The following MAP3K2 variants were observed in gnomAD, a reference collection of about 807,000 sequenced individuals.
MAP3K2 encodes the protein MAP/ERK kinase kinase 2.
Under a neutral mutation model 80.3 loss-of-function variants are expected in MAP3K2, and 24 were observed. The observed-to-expected ratio is 0.30, with a 90% CI of 0.22 to 0.42. MAP3K2 has a LOEUF of 0.42. Among genes scored for constraint, MAP3K2 ranks in the 10% least tolerant of loss-of-function variants. MAP3K2 has a pLI of 1.00. For missense variants in MAP3K2, 608 were observed against 750.1 expected (o/e 0.81, Z 2.21); for synonymous variants, 244 against 253.7 (o/e 0.96, Z 0.36).
At chr2:127,320,155 A>AAT (rs1209109998) in intron 12 of MAP3K2, among the ~76,000 whole-genome samples, 2 of 152,212 alleles carry the variant, frequency 1.3e-5, no homozygotes, top group Non-Finnish European at 2.9e-5. Context: ...AAAAAATCAA[A>AAT]AGAGAAAGCA....
At chr2:127,366,735 ATTT>A (rs1686978098) in intron 1 of MAP3K2, among the ~76,000 whole-genome samples, 1 of 151,958 alleles carries the variant, frequency 6.6e-6, no homozygotes, top group African/African-American at 2.4e-5. Context: ...TGGCTAACAT[ATTT>A]CCAAAAATGT....
intron 1 of MAP3K2, among the ~76,000 whole-genome samples, chr2:127,345,029 TGATTTTTAAAAAAAGATTTTGTACA>T (rs1686572575): frequency 6.6e-6 from 1 of 152,148 alleles, no homozygotes; most frequent in Non-Finnish European, 1.5e-5. Context: ...CACACCCAGC[TGATTTTTAAAAAAAGATTTTGTACA>T]GATTACCCAG....
At chr2:127,388,300 T>A (rs1287386191), upstream of MAP3K2, 1 of 985,278 alleles carries the variant, frequency 1.0e-6, no homozygotes, top group Non-Finnish European at 1.2e-6. Flanking sequence ...TCCGAGTAGA[T>A]CCCGTGAAAA....
chr2:127,378,829 T>C (rs966075864), intron 1 of MAP3K2, among the ~76,000 whole-genome samples: 21 of 152,144 alleles, frequency 1.4e-4, no homozygotes, highest in Non-Finnish European at 2.6e-4. Context: ...AGCAGCGGCA[T>C]GATCACTCCT....
chr2:127,359,942 G>A (rs1051470876), intron 1 of MAP3K2, among the ~76,000 whole-genome samples: 1 of 152,054 alleles, frequency 6.6e-6, no homozygotes, highest in African/African-American at 2.4e-5. Context: ...ATCTAGTCTT[G>A]GGTATTTCTT....
chr2:127,340,743 G>C (rs914276268), intron 2 of MAP3K2, among the ~76,000 whole-genome samples: 1 of 151,256 alleles, frequency 6.6e-6, no homozygotes, highest in Middle Eastern at 3.4e-3. Flanking sequence ...TTTTTGTAGA[G>C]ATGGGGGTCT....
At position 127,364,119 on chromosome 2, in the gene MAP3K2, C is replaced by T. The variant is rs972205726; in HGVS notation, c.-65-20925G>A. Among the ~76,000 whole-genome samples the T allele has an allele frequency of 1.8e-4, 27 of 152,196 alleles. No homozygotes were observed. Among genetic ancestry groups the T allele is most frequent in the African/African-American group, 6.3e-4 (26 of 41,442 alleles). The stretch of plus-strand genomic sequence containing the variant: ...TGTTTCAGTCAATCTAACCTATCTG[C>T]TTTTCTCAAAGGACTTGCTATTAAT... On this transcript the variant is annotated intron_variant, in intron 1 of 16. Coordinates refer to ENST00000682094, the MANE Select transcript of MAP3K2 (RefSeq NM_001371910.2). The surrounding 1 kb of genome is among the most constrained non-coding windows in gnomAD (Gnocchi z 4.1).
In MAP3K2 at chr2:127,305,768, TTCA is replaced by T. The variant is rs1261077803; in HGVS notation, c.*1808_*1810del. 1 of 152,142 alleles carries T rather than the reference TTCA, an allele frequency of 6.6e-6. No homozygotes were observed. Among genetic ancestry groups the T allele is most frequent in the Non-Finnish European group, 1.5e-5 (1 of 68,008 alleles). The allele number at this position is 152,142 out of a possible 1,614,324, so 9.4% of individuals were successfully genotyped here. A position where few individuals can be genotyped will look rare whatever the true frequency, so the allele number is the denominator to read the frequency against. ...TGCAAGTGGCCAAATTGCTGATATC[TTCA>T]TGTTTTATAGTAGCACAATTCTATT... On this transcript the variant is annotated 3_prime_UTR_variant, in exon 17 of 17. Transcript: ENST00000682094.
intron 14 of MAP3K2, among the ~76,000 whole-genome samples, chr2:127,315,644 T>C (rs1399106528): frequency 6.6e-6 from 1 of 152,176 alleles, no homozygotes; most frequent in Non-Finnish European, 1.5e-5. Flanking sequence ...TGTAGTATTA[T>C]ACAGAATAGG....
chr2:127,341,530 G>GTTTTTTTTTTTTTT (rs1341901292), intron 2 of MAP3K2, among the ~76,000 whole-genome samples: 4 of 91,118 alleles, frequency 4.4e-5, no homozygotes, highest in Admixed American at 1.5e-4. Flanking sequence ...TTTTTTTGTT[G>GTTTTTTTTTTTTTT]TTTTTTTTTT....
chr2:127,359,983 T>C (rs1025083215), intron 1 of MAP3K2, among the ~76,000 whole-genome samples: 5 of 152,188 alleles, frequency 3.3e-5, no homozygotes, highest in African/African-American at 1.2e-4. Flanking sequence ...CTAATACACC[T>C]ACCATATGAC....
rs957821500 is a variant in MAP3K2, at chr2:127,299,082, G to A, written c.*8497C>T. The A allele has an allele frequency of 7.2e-5, 11 of 152,106 alleles. No homozygotes were observed. Among genetic ancestry groups the A allele is most frequent in the African/African-American group, 2.2e-4 (9 of 41,414 alleles). 9.4% of individuals were successfully genotyped at this position (152,106 alleles called of 1,614,324 possible). A position where few individuals can be genotyped will look rare whatever the true frequency, so the allele number is the denominator to read the frequency against. On this transcript the variant is annotated 3_prime_UTR_variant, in exon 17 of 17. Transcript: ENST00000682094. The stretch of plus-strand genomic sequence containing the variant: ...TCAAAATGTGCATGAAATGTTGCAC[G>A]TACCACACTGTATCTGGCTTCTGGT...
chr2:127,321,333 C>CT lies in MAP3K2; in HGVS notation c.1045+712dup, dbSNP rs1420457398. Among the ~76,000 whole-genome samples, 2 of 152,096 alleles carry CT rather than the reference C, an allele frequency of 1.3e-5. No individual in the cohort carries two copies. Among genetic ancestry groups the CT allele is most frequent in the African/African-American group, 4.8e-5 (2 of 41,432 alleles). On this transcript the variant is annotated intron_variant, in intron 12 of 16. Coordinates refer to ENST00000682094, the MANE Select transcript of MAP3K2 (RefSeq NM_001371910.2). This position sits in a 1 kb window ranked among gnomAD's most constrained non-coding sequence, Gnocchi z 4.4. ...AGATATATATAAAAGACATTTTTCTCTTATTTTTAATCACTTCAAAAGATA... is the reference window on the plus strand; with the variant it reads ...AGATATATATAAAAGACATTTTTCTCTTTATTTTTAATCACTTCAAAAGATA...
chr2:127,383,189 G>T (rs1387607896), intron 1 of MAP3K2, among the ~76,000 whole-genome samples: 1 of 152,146 alleles, frequency 6.6e-6, no homozygotes, highest in Non-Finnish European at 1.5e-5. Flanking sequence ...CCATGATCCA[G>T]TCACCTCCCA....
chr2:127,361,337 A>T (rs4662581), intron 1 of MAP3K2, among the ~76,000 whole-genome samples: 114,310 of 144,302 alleles, frequency 0.79, 45,617 homozygotes, highest in Middle Eastern at 0.84. Context: ...AAAAAAAATT[A>T]AAAGGGAATT....
chr2:127,358,429 A>C (rs1161453011), intron 1 of MAP3K2, among the ~76,000 whole-genome samples: 1 of 125,342 alleles, frequency 8.0e-6, no homozygotes, highest in African/African-American at 3.0e-5. Context: ...CTTTGTATTT[A>C]CCCAAATGAG....
chr2:127,318,389 A>C, intron 12 of MAP3K2, 72 bp from the exon 13 acceptor site: 1 of 1,195,528 alleles, frequency 8.4e-7, no homozygotes, highest in Non-Finnish European at 1.1e-6. Flanking sequence ...CTAAATGAGC[A>C]TACTGCATTA....
chr2:127,351,666 T>C (rs1686694217), intron 1 of MAP3K2, among the ~76,000 whole-genome samples: 1 of 152,120 alleles, frequency 6.6e-6, no homozygotes. Flanking sequence ...AATAGTTTCA[T>C]ATCTGATCAA....
At chr2:127,325,651 G>T in intron 9 of MAP3K2, 77 bp downstream of exon 9, 2 of 1,160,952 alleles carry the variant, frequency 1.7e-6, no homozygotes, top group Non-Finnish European at 2.6e-6. Flanking sequence ...TCACGCCACT[G>T]CGCTCCAGCC....
Sources: gnomAD v4.1 joint callset for allele counts (sites outside exome capture counted in the v4.1 genomes callset) on GRCh38, gnomAD v4.1.1 for gene constraint, Gnocchi (gnomAD v3.1) non-coding constraint, MANE v1.5 for transcripts, NCBI Gene and HGNC (gene_info 2026-07-23, HGNC 2026-07-21) for gene names.